MED1: variants seen among roughly 807,000 people sequenced by gnomAD.
The protein encoded by MED1 is mediator of RNA polymerase II transcription subunit 1.
MED1 carries 17 observed loss-of-function variants against 121.3 expected under a neutral mutation model. The observed-to-expected ratio is 0.14, with a 90% CI of 0.10 to 0.21. The LOEUF (loss-of-function observed/expected upper bound fraction) is 0.21, where lower values mean the gene tolerates loss of function less well. Among genes scored for constraint, MED1 ranks in the 10% least tolerant of loss-of-function variants. MED1 has a pLI of 1.00. For synonymous variants in MED1, 661 were observed against 694.4 expected (o/e 0.95, Z 0.76); for missense variants, 1,558 against 1,919.4 (o/e 0.81, Z 3.52).
At position 39,429,702 on chromosome 17, in the gene MED1, T is replaced by TAAAAA. The variant is rs757034804; in HGVS notation, c.649+1408_649+1412dup. Among the ~76,000 whole-genome samples, 316 of 48,940 alleles carry TAAAAA rather than the reference T, an allele frequency of 6.5e-3. 11 individuals are homozygous for TAAAAA. The highest frequency in any genetic ancestry group is 0.03 in the African/African-American group (302 of 10,038). The allele number at this position is 48,940 out of a possible 152,430, so 32.1% of individuals were successfully genotyped here. ...CAGAGCAAGACTCTGCCTAAATGCC[T>TAAAAA]AAAAAAAAAAAAAAAAAAAAAAAAA... On this transcript the variant is annotated intron_variant, in intron 9 of 16. Transcript: ENST00000300651.
At position 39,404,882 on chromosome 17, in the gene MED1, C is replaced by T. The variant is rs181827831; in HGVS notation, c.*2593G>A. On this transcript the variant is annotated 3_prime_UTR_variant, in exon 17 of 17. Transcript: ENST00000300651. ...TCCCCACCACCCCACCCCCCACCCG[C>T]TAAAATACTTCTGTTTTAAGACACA... 1 of 125,428 alleles carries T rather than the reference C, an allele frequency of 8.0e-6. No individual in the cohort carries two copies. Among genetic ancestry groups the T allele is most frequent in the East Asian group, 2.7e-4 (1 of 3,688 alleles). 7.8% of individuals were successfully genotyped at this position (125,428 alleles called of 1,614,324 possible).
Position 39,431,110 on chromosome 17 carries a change from C to T in MED1, c.649+5G>A. The T allele has an allele frequency of 6.2e-7, 1 of 1,607,542 alleles. No individual in the cohort carries two copies. ...TTTCTAAACAAGCAAAATAGGATCA[C>T]GTACCCCCACTCCTTGGTGTGAGAT... is the stretch of plus-strand genomic sequence containing the variant. On this transcript the variant is annotated splice_donor_5th_base_variant and intron_variant, in intron 9 of 16. Transcript: ENST00000300651.
chr17:39,417,182 T>C (rs1371498124), intron 14 of MED1, among the ~76,000 whole-genome samples: 2 of 151,880 alleles, frequency 1.3e-5, no homozygotes, highest in African/African-American at 2.4e-5. Flanking sequence ...CTACAAAGAT[T>C]AGCCTGGCAT....
chr17:39,426,934 G>C lies in MED1; in HGVS notation c.739+767C>G, dbSNP rs533752465. On this transcript the variant is annotated intron_variant, in intron 10 of 16. Coordinates refer to ENST00000300651, the MANE Select transcript of MED1 (RefSeq NM_004774.4). The stretch of plus-strand genomic sequence containing the variant: ...GAAAACTTCACTTTTTTTTTGATCA[G>C]TAACTCACTACGTTGCCCAGGCTGG... Among the ~76,000 whole-genome samples, 3 of 149,354 alleles carry C rather than the reference G, an allele frequency of 2.0e-5. No individual in the cohort carries two copies. The East Asian group carries it at 6.1e-4, about 30-fold the overall frequency.
At chr17:39,429,785 G>A (rs1380833270) in intron 9 of MED1, among the ~76,000 whole-genome samples, 2 of 142,738 alleles carry the variant, frequency 1.4e-5, no homozygotes, top group East Asian at 4.4e-4. Context: ...CTGCTTATAT[G>A]TTTATAAACC....
Position 39,442,105 on chromosome 17 carries a change from GA to G in MED1, c.212-1429del, listed in dbSNP as rs574334906. On this transcript the variant is annotated intron_variant, in intron 3 of 16. Transcript: ENST00000300651. ...ACGACAGAGTGAGACACTGTCTCCA[GA>G]AAAAAAAAAAAAAACCCTCAGCTGA... is the stretch of plus-strand genomic sequence containing the variant. Among the ~76,000 whole-genome samples the G allele has an allele frequency of 2.3e-3, 232 of 102,372 alleles. 1 individual carries two copies. The highest frequency in any genetic ancestry group is 6.3e-3 in the Middle Eastern group (1 of 160). 67.2% of individuals were successfully genotyped at this position (102,372 alleles called of 152,430 possible).
rs2048326030 is a variant in MED1 at position 39,408,583 on chromosome 17, G to A, written c.3638C>T (p.Pro1213Leu). Residue 1213 changes from proline to leucine, a missense_variant, in exon 17 of 17, where the codon CCT becomes CTT. Physicochemically the swap from Pro to Leu is moderately conservative, Grantham distance 98 (BLOSUM62 -3). Transcript: ENST00000300651. The surrounding 1 kb of genome is among the most constrained non-coding windows in gnomAD (Gnocchi z 4.7). ...GGCTTTAGAGGATGGAGGAGTTCCA[G>A]GAACAGGCTTCATTGGAGAGGCAAG... ...DKLASPMKPV[P>L]GTPPSSKAKS... is the part of the protein sequence containing the mutation. 6.2e-7 allele frequency: 1 copy of A among 1,614,096 alleles called. No individual in the cohort carries two copies. The highest frequency in any genetic ancestry group is 8.5e-7 in the Non-Finnish European group (1 of 1,180,046).
At chr17:39,450,349 T>A (rs1374275361) in intron 1 of MED1, among the ~76,000 whole-genome samples, 1 of 152,230 alleles carries the variant, frequency 6.6e-6, no homozygotes, top group Non-Finnish European at 1.5e-5. Flanking sequence ...TTTGAGCGAC[T>A]ATTACGTGCC....
intron 9 of MED1, 24 bp from the exon 10 acceptor site, chr17:39,427,814 T>C (rs1440756447): frequency 2.2e-6 from 3 of 1,382,026 alleles, no homozygotes; most frequent in Non-Finnish European, 3.0e-6. Flanking sequence ...AACTCATAAC[T>C]GTATCTTTAT....
Position 39,409,403 on chromosome 17 carries a change from C to T in MED1, c.2818G>A (p.Ala940Thr), listed in dbSNP as rs1372919458. The T allele has an allele frequency of 6.2e-7, 1 of 1,614,160 alleles. No homozygotes were observed. The highest frequency in any genetic ancestry group is 8.5e-7 in the Non-Finnish European group (1 of 1,180,036). Reference protein sequence around the residue: ...DFSIISVAGKALAPADLMEHH... With the variant: ...DFSIISVAGKTLAPADLMEHH... ...TCCATAAGATCTGCAGGAGCTAAAG[C>T]TTTGCCGGCTACTGAAATAATACTG... Residue 940 changes from alanine (A) to threonine (T), a missense_variant, in exon 17 of 17, where the codon GCT (alanine) becomes ACT (threonine). This residue lies in a region of MED1 where 793 missense variants were observed against 898.2 expected (regional missense o/e 0.88). Transcript: ENST00000300651.
At position 39,408,718 on chromosome 17, in the gene MED1, C is replaced by T. The variant is rs1421139928; in HGVS notation, c.3503G>A (p.Ser1168Asn). ...TCCTTGAGGTTTCATCTTGGTGCTG[C>T]TAGAGCCACTGCTCAGTCCATGCTT... The part of the protein sequence containing the change: ...ITKHGLSSGS[S>N]STKMKPQGKP... Residue 1168 changes from serine to asparagine, a missense_variant, in exon 17 of 17, where the codon AGC becomes AAC. Around this residue, in one of 5 missense-constraint regions of MED1, gnomAD observed 793 missense variants for 898.2 expected, o/e 0.88. Transcript: ENST00000300651. The surrounding 1 kb of genome is among the most constrained non-coding windows in gnomAD (Gnocchi z 4.7). 1.2e-6 allele frequency: 2 copies of T among 1,614,180 alleles called. No individual in the cohort carries two copies. The highest frequency in any genetic ancestry group is 1.3e-5 in the African/African-American group (1 of 75,052).
At position 39,440,690 on chromosome 17, in the gene MED1, G is replaced by GA. The variant is rs1567652356; in HGVS notation, c.212-14dup. On this transcript the variant is annotated splice_polypyrimidine_tract_variant and intron_variant, in intron 3 of 16. Transcript: ENST00000300651. The surrounding 1 kb of genome is among the most constrained non-coding windows in gnomAD (Gnocchi z 4.1). Reference sequence around the variant, plus strand: ...GGTAAAGATGTTACTATAAAAGGATGAAAAAAGGAGTCACAAAGAATGCTC... The same window carrying GA: ...GGTAAAGATGTTACTATAAAAGGATGAAAAAAAGGAGTCACAAAGAATGCTC... The GA allele has an allele frequency of 1.2e-6, 2 of 1,603,446 alleles. No individual in the cohort carries two copies. The highest frequency in any genetic ancestry group is 2.2e-5 in the South Asian group (2 of 88,906).
rs1018199414 is a variant in MED1, at chr17:39,406,512, C to A, written c.*963G>T. 7.1e-6 allele frequency: 7 copies of A among 985,160 alleles called. No homozygotes were observed. In the African/African-American group the frequency reaches 1.0e-4, roughly 15 times the overall value. The allele number at this position is 985,160 out of a possible 1,614,324, so 61.0% of individuals were successfully genotyped here. ...GTCAGGAAGGCTGTCCTACACTAAA[C>A]CTTACTGCATCTGAAAACATGTTTA... On this transcript the variant is annotated 3_prime_UTR_variant, in exon 17 of 17. Coordinates refer to ENST00000300651, the MANE Select transcript of MED1 (RefSeq NM_004774.4).
At chr17:39,449,834 G>A (rs1158326509) in intron 1 of MED1, among the ~76,000 whole-genome samples, 1 of 78,002 alleles carries the variant, frequency 1.3e-5, no homozygotes, top group Non-Finnish European at 2.5e-5. Flanking sequence ...TTTTTTTTGA[G>A]ACGAAGTTTC....
At position 39,406,116 on chromosome 17, in the gene MED1, G is replaced by A; in HGVS notation, c.*1359C>T. 6.1e-6 allele frequency: 6 copies of A among 985,332 alleles called. No individual in the cohort carries two copies. Among genetic ancestry groups the A allele is most frequent in the Non-Finnish European group, 7.2e-6 (6 of 829,916 alleles). The allele number at this position is 985,332 out of a possible 1,614,324, so 61.0% of individuals were successfully genotyped here. A position where few individuals can be genotyped will look rare whatever the true frequency, so the allele number is the denominator to read the frequency against. On this transcript the variant is annotated 3_prime_UTR_variant, in exon 17 of 17. Coordinates refer to ENST00000300651, the MANE Select transcript of MED1 (RefSeq NM_004774.4). ...TGGATTTCTATATTTTTATGTGAAG[G>A]GCTCTTATTGATGTCCCCCAGAATC...
intron 2 of MED1, among the ~76,000 whole-genome samples, chr17:39,444,893 A>C (rs905463955): frequency 4.0e-5 from 6 of 150,988 alleles, no homozygotes; most frequent in South Asian, 2.1e-4. Context: ...AAACAAACAA[A>C]CAAAAAAAAA....
chr17:39,426,804 G>C (rs2144743948), intron 10 of MED1, among the ~76,000 whole-genome samples: 1 of 152,236 alleles, frequency 6.6e-6, no homozygotes, highest in Non-Finnish European at 1.5e-5. Context: ...AAAGTGCTGG[G>C]ATTACAGGCA....
chr17:39,435,124 C>T (rs1050456870), intron 6 of MED1, among the ~76,000 whole-genome samples: 4 of 152,020 alleles, frequency 2.6e-5, no homozygotes, highest in South Asian at 4.1e-4. Flanking sequence ...GCCGAGATCG[C>T]GCCACTGCAC....
At chr17:39,428,278 A>G (rs2048533635) in intron 9 of MED1, among the ~76,000 whole-genome samples, 1 of 152,052 alleles carries the variant, frequency 6.6e-6, no homozygotes, top group Non-Finnish European at 1.5e-5. Flanking sequence ...AGGTCAGGAT[A>G]TTGAGACCAT....
Sources: gnomAD v4.1 joint callset for allele counts (sites outside exome capture counted in the v4.1 genomes callset) on GRCh38, gnomAD v4.1.1 for gene constraint, gnomAD v4.1.1 regional missense constraint, Gnocchi (gnomAD v3.1) non-coding constraint, MANE v1.5 for transcripts, NCBI Gene and HGNC (gene_info 2026-07-23, HGNC 2026-07-21) for gene names.